The following OPTN variants were observed in gnomAD, a reference collection of about 807,000 sequenced individuals.
OPTN encodes E3-14.7K-interacting protein.
A neutral mutation model predicts 70.4 loss-of-function variants in OPTN; 54 were observed. The ratio of observed to expected loss-of-function variants is 0.77; its 90% CI spans 0.62 to 0.96. The LOEUF is 0.96. Among genes scored for constraint, OPTN ranks in the 40% least tolerant of loss-of-function variants. OPTN has a pLI of 0.00. For missense variants in OPTN, 624 were observed against 673.2 expected (o/e 0.93, Z 0.81); for synonymous variants, 256 against 248.5 (o/e 1.03, Z -0.28).
intron 12 of OPTN, among the ~76,000 whole-genome samples, chr10:13,128,383 G>A (rs1433696897): frequency 6.6e-6 from 1 of 151,688 alleles, no homozygotes; most frequent in Non-Finnish European, 1.5e-5. Context: ...ACTCTGGAGG[G>A]TATATAGTGG....
chr10:13,132,272 C>A, intron 13 of OPTN, 75 bp downstream of exon 13: 1 of 1,561,774 alleles, frequency 6.4e-7, no homozygotes, highest in Non-Finnish European at 8.8e-7. Context: ...CAAAGACGTT[C>A]CTGATTTGAA....
At chr10:13,106,002 CT>C (rs1832858949) in intron 1 of OPTN, among the ~76,000 whole-genome samples, 1 of 151,976 alleles carries the variant, frequency 6.6e-6, no homozygotes, top group South Asian at 2.1e-4. Flanking sequence ...CCTCCCCTTC[CT>C]TTCATTTTCA....
chr10:13,138,013 A>AT lies in OPTN; in HGVS notation c.*1148dup, dbSNP rs1491295237. On this transcript the variant is annotated 3_prime_UTR_variant, in exon 15 of 15. Coordinates refer to ENST00000378747, the MANE Select transcript of OPTN (RefSeq NM_001008212.2). ...TTGTTTATATATGATTAATATCATCATATATATTTTCTGTATTAAGCTCAT... is the reference window on the plus strand; with the variant it reads ...TTGTTTATATATGATTAATATCATCATTATATATTTTCTGTATTAAGCTCAT... 3.4e-5 allele frequency: 7 copies of AT among 203,556 alleles called. No homozygotes were observed. Among genetic ancestry groups the AT allele is most frequent in the South Asian group, 1.9e-4 (1 of 5,240 alleles). 12.6% of individuals were successfully genotyped at this position (203,556 alleles called of 1,614,324 possible).
rs76441382 is a variant in OPTN, at chr10:13,102,069, C to T, written c.-164+1767C>T. On this transcript the variant is annotated intron_variant, in intron 1 of 14. Coordinates refer to ENST00000378747, the MANE Select transcript of OPTN (RefSeq NM_001008212.2). ...GAAATGCAGAGTGTTCTTGGGTGCT[C>T]GGAGTAGGGAACAGTTCATATGACA... Among the ~76,000 whole-genome samples the T allele has an allele frequency of 4.9e-3, 738 of 152,154 alleles. 9 individuals carry two copies. Among genetic ancestry groups the T allele is most frequent in the African/African-American group, 0.017 (700 of 41,488 alleles).
intron 11 of OPTN, 40 bp downstream of exon 11, chr10:13,126,079 A>C: frequency 1.7e-6 from 2 of 1,171,570 alleles, no homozygotes; most frequent in Non-Finnish European, 2.6e-6. Flanking sequence ...CCTAGTAATG[A>C]ACAGAAACTG....
At chr10:13,113,304 G>T (rs976472899) in intron 5 of OPTN, among the ~76,000 whole-genome samples, 1 of 152,210 alleles carries the variant, frequency 6.6e-6, no homozygotes, top group Non-Finnish European at 1.5e-5. Context: ...GGGATGACAG[G>T]CGTGAGCCAC....
In OPTN at chr10:13,125,837, G is replaced by A. The variant is rs1833445882; in HGVS notation, c.1149-109G>A. The A allele has an allele frequency of 5.8e-6, 5 of 866,742 alleles. 1 individual carries two copies. In the South Asian group the frequency reaches 7.4e-5, roughly 13 times the overall value. 53.7% of individuals were successfully genotyped at this position (866,742 alleles called of 1,614,324 possible). A position where few individuals can be genotyped will look rare whatever the true frequency, so the allele number is the denominator to read the frequency against. The stretch of plus-strand genomic sequence containing the variant: ...GCTAGTAGGTCGTGGGGTGATAAAG[G>A]TAGGCGAGAAGATTTTTCTACTGGA... On this transcript the variant is annotated intron_variant, in intron 10 of 14. Coordinates refer to ENST00000378747, the MANE Select transcript of OPTN (RefSeq NM_001008212.2).
chr10:13,109,853 A>AG (rs1554768327), intron 3 of OPTN, among the ~76,000 whole-genome samples: 9,646 of 139,210 alleles, frequency 0.069, 574 homozygotes, highest in Admixed American at 0.12. Context: ...AAAAAAAAAA[A>AG]GGAAAAAGGA....
In OPTN at chr10:13,104,731, A is replaced by G. The variant is rs1832827022; in HGVS notation, c.-163-3407A>G. The stretch of plus-strand genomic sequence containing the variant: ...GCAATATTCCTTGGACGTGTCTGCC[A>G]CCATTTAATTTCAATGATAACTTCT... On this transcript the variant is annotated intron_variant, in intron 1 of 14. Transcript: ENST00000378747. The G allele has an allele frequency of 4.4e-6, 3 of 682,076 alleles. No individual in the cohort carries two copies. The Admixed American group carries it at 5.4e-5, about 12-fold the overall frequency. 42.3% of individuals were successfully genotyped at this position (682,076 alleles called of 1,614,324 possible).
intron 3 of OPTN, among the ~76,000 whole-genome samples, chr10:13,109,979 G>A (rs762737688): frequency 1.3e-5 from 2 of 152,008 alleles, no homozygotes; most frequent in Non-Finnish European, 2.9e-5. Context: ...GGAGTAGTAA[G>A]AACTTCCTTA....
chr10:13,117,560 C>G (rs1027795110), intron 6 of OPTN, among the ~76,000 whole-genome samples: 2 of 151,590 alleles, frequency 1.3e-5, no homozygotes, highest in African/African-American at 4.9e-5. Flanking sequence ...GTTCTCCTGC[C>G]TCAGCCTTCC....
At chr10:13,123,620 A>C (rs1833399773) in intron 8 of OPTN, among the ~76,000 whole-genome samples, 1 of 152,236 alleles carries the variant, frequency 6.6e-6, no homozygotes, top group Admixed American at 6.5e-5. Flanking sequence ...CTAGAAACAT[A>C]CACTGGGAAG....
chr10:13,106,408 A>C (rs1193524437), intron 1 of OPTN, among the ~76,000 whole-genome samples: 2 of 152,246 alleles, frequency 1.3e-5, no homozygotes, highest in Non-Finnish European at 2.9e-5. Context: ...GCTATGGAAC[A>C]CTTCTGCATT....
chr10:13,118,192 C>T (rs1290566526), intron 6 of OPTN, among the ~76,000 whole-genome samples: 2 of 152,326 alleles, frequency 1.3e-5, no homozygotes, highest in African/African-American at 4.8e-5. Flanking sequence ...GTCCTGGAAA[C>T]CGGGATTTAA....
chr10:13,117,967 C>G (rs921792035), intron 6 of OPTN, among the ~76,000 whole-genome samples: 4 of 152,154 alleles, frequency 2.6e-5, no homozygotes, highest in Non-Finnish European at 5.9e-5. Context: ...CCCCAAATTG[C>G]TTTTGTCATA....
intron 8 of OPTN, chr10:13,122,927 G>A (rs532250631): frequency 1.8e-4 from 40 of 218,640 alleles, no homozygotes; most frequent in Admixed American, 5.6e-4. Context: ...CTCCCACCTC[G>A]GCCTCCCAGA....
Position 13,112,473 on chromosome 10 carries a change from G to C in OPTN, c.390G>C (p.Arg130Ser). 6.2e-7 allele frequency: 1 copy of C among 1,613,994 alleles called. No homozygotes were observed. The highest frequency in any genetic ancestry group is 8.5e-7 in the Non-Finnish European group (1 of 1,180,030). ...TCCAGGACCCCACTGATGACTCCAG[G>C]CTTCCCAGGGCCGAAGCGGAGCAGG... ...RSSEDPTDDS[R>S]LPRAEAEQEK... Residue 130 changes from arginine (R) to serine (S), a missense_variant, in exon 5 of 15, where the codon AGG (arginine) becomes AGC (serine). Transcript: ENST00000378747.
chr10:13,121,237 T>G (rs1035019213), intron 7 of OPTN, among the ~76,000 whole-genome samples: 12 of 152,156 alleles, frequency 7.9e-5, no homozygotes, highest in Non-Finnish European at 1.6e-4. Flanking sequence ...GAAATTGCAC[T>G]CGAGAGATAG....
rs1833727033 is a variant in OPTN, at chr10:13,137,693, AT to A, written c.*831del. On this transcript the variant is annotated 3_prime_UTR_variant, in exon 15 of 15. Coordinates refer to ENST00000378747, the MANE Select transcript of OPTN (RefSeq NM_001008212.2). Reference sequence around the variant, plus strand: ...TTGTAGTTTTATTGCAGCCACAATAATTTTACCAAAGTTTTCACATAGGCAG... The same window carrying A: ...TTGTAGTTTTATTGCAGCCACAATAATTTACCAAAGTTTTCACATAGGCAG... The A allele has an allele frequency of 4.3e-6, 1 of 231,062 alleles. No homozygotes were observed. 14.3% of individuals were successfully genotyped at this position (231,062 alleles called of 1,614,324 possible). A position where few individuals can be genotyped will look rare whatever the true frequency, so the allele number is the denominator to read the frequency against.
Sources: allele counts gnomAD v4.1 joint callset (sites outside exome capture counted in the v4.1 genomes callset), GRCh38; gene constraint gnomAD v4.1.1; transcripts MANE v1.5; gene names NCBI Gene and HGNC (gene_info 2026-07-23, HGNC 2026-07-21).